The following DZIP3 variants were observed in gnomAD, a reference collection of about 807,000 sequenced individuals.
DZIP3 encodes the protein DAZ interacting zinc finger protein 3.
Under a neutral mutation model 162.0 loss-of-function variants are expected in DZIP3, and 118 were observed. The observed-to-expected ratio is 0.73, with a 90% CI of 0.63 to 0.85. The LOEUF is 0.85. DZIP3 is among the 40% of genes least tolerant of loss of function. DZIP3 has a pLI of 0.00. For missense variants in DZIP3, 1,331 were observed against 1,407.0 expected, an observed-to-expected ratio of 0.95 and a Z score of 0.86; for synonymous variants, 438 against 458.6, an observed-to-expected ratio of 0.96 and a Z score of 0.57.
At chr3:108,687,952 T>C in intron 28 of DZIP3, 24 bp from the exon 29 acceptor site, 2 of 1,613,064 alleles carry the variant, frequency 1.2e-6, no homozygotes, top group Non-Finnish European at 1.7e-6. Flanking sequence ...ATTACTGCCC[T>C]TTCCTTTCCT....
chr3:108,609,209 G>A (rs144792965), intron 3 of DZIP3, among the ~76,000 whole-genome samples: 2 of 152,296 alleles, frequency 1.3e-5, no homozygotes, highest in East Asian at 3.9e-4. Context: ...GCACATGTTT[G>A]CAGGAACATG....
intron 5 of DZIP3, among the ~76,000 whole-genome samples, chr3:108,621,791 A>C (rs1228230261): frequency 6.6e-6 from 1 of 152,248 alleles, no homozygotes; most frequent in Non-Finnish European, 1.5e-5. Context: ...AGTGTATCAA[A>C]GAAATATTTG....
At chr3:108,688,774 T>G (rs1258449934) in intron 30 of DZIP3, 38 bp downstream of exon 30, 1 of 1,613,768 alleles carries the variant, frequency 6.2e-7, no homozygotes. Context: ...ACATTTAGAT[T>G]TGGGAGAAAA....
chr3:108,693,127 G>A (rs1364812851), intron 32 of DZIP3, among the ~76,000 whole-genome samples: 2 of 150,498 alleles, frequency 1.3e-5, no homozygotes, highest in Non-Finnish European at 3.0e-5. Context: ...ATTCACTAAG[G>A]TAGAGATAAG....
chr3:108,634,095 G>A (rs1394821018), intron 9 of DZIP3, among the ~76,000 whole-genome samples: 2 of 152,048 alleles, frequency 1.3e-5, no homozygotes, highest in African/African-American at 2.4e-5. Flanking sequence ...TAATTGCGAG[G>A]CATGATGTGT....
At chr3:108,622,880 C>CTCTCTCTCTCTCTCTCTTTGTG in intron 5 of DZIP3, among the ~76,000 whole-genome samples, 1 of 53,082 alleles carries the variant, frequency 1.9e-5, no homozygotes, top group Middle Eastern at 0.011. Flanking sequence ...CTCTCTCTCT[C>CTCTCTCTCTCTCTCTCTTTGTG]TGTGTGTGTG....
At chr3:108,620,028 A>G (rs912313260) in intron 5 of DZIP3, among the ~76,000 whole-genome samples, 6 of 152,182 alleles carry the variant, frequency 3.9e-5, no homozygotes, top group Non-Finnish European at 7.3e-5. Flanking sequence ...ACTAACATCT[A>G]AGATTTATTA....
intron 19 of DZIP3, among the ~76,000 whole-genome samples, chr3:108,659,891 G>T (rs1482928746): frequency 6.6e-6 from 1 of 152,004 alleles, no homozygotes; most frequent in African/African-American, 2.4e-5. Context: ...ATTCACAATT[G>T]CTTCAAAGAG....
rs535910735 is a variant in DZIP3, at chr3:108,682,776, CAAAG to C, written c.2884-1436_2884-1433del. The stretch of plus-strand genomic sequence containing the variant: ...GAGAGGATTTTGAATATTAGAACCA[CAAAG>C]AAATGACAAATGAAGTGATGAATAT... On this transcript the variant is annotated intron_variant, in intron 26 of 32. Coordinates refer to ENST00000361582, the MANE Select transcript of DZIP3 (RefSeq NM_014648.4). Among the ~76,000 whole-genome samples the C allele has an allele frequency of 1.5e-3, 226 of 150,674 alleles. 16 individuals are homozygous for C. The highest frequency in any genetic ancestry group is 5.6e-3 in the African/African-American group (224 of 40,146).
intron 27 of DZIP3, 38 bp from the exon 28 acceptor site, chr3:108,686,407 A>T (rs1944499716): frequency 6.7e-7 from 1 of 1,489,428 alleles, no homozygotes; most frequent in East Asian, 2.4e-5. Flanking sequence ...CTTCTTAATA[A>T]TTAAACCTGC....
At chr3:108,679,606 G>C (rs376252465) in intron 26 of DZIP3, among the ~76,000 whole-genome samples, 2 of 152,058 alleles carry the variant, frequency 1.3e-5, no homozygotes, top group East Asian at 3.9e-4. Flanking sequence ...ACCTAGAAAC[G>C]TTACAGTGCT....
chr3:108,649,771 C>T (rs1442764198), intron 17 of DZIP3, among the ~76,000 whole-genome samples: 1 of 151,420 alleles, frequency 6.6e-6, no homozygotes, highest in African/African-American at 2.4e-5. Context: ...TTGTAAAACA[C>T]GAAGTCAAGA....
intron 17 of DZIP3, among the ~76,000 whole-genome samples, chr3:108,650,353 C>T (rs1018508740): frequency 6.6e-6 from 1 of 151,676 alleles, no homozygotes; most frequent in African/African-American, 2.4e-5. Context: ...CAAATTGGTA[C>T]TGGATATTAA....
intron 14 of DZIP3, among the ~76,000 whole-genome samples, chr3:108,645,228 T>TG (rs1338230824): frequency 3.3e-5 from 5 of 152,186 alleles, no homozygotes; most frequent in African/African-American, 1.2e-4. Flanking sequence ...AAGAAATTGT[T>TG]GAAGACTTTT....
intron 18 of DZIP3, among the ~76,000 whole-genome samples, chr3:108,653,688 A>G (rs768644462): frequency 1.3e-5 from 2 of 151,758 alleles, no homozygotes; most frequent in Non-Finnish European, 2.9e-5. Flanking sequence ...TCAACTCTCT[A>G]TTTAAACATA....
At chr3:108,619,442 C>T (rs902788325) in intron 5 of DZIP3, among the ~76,000 whole-genome samples, 1 of 152,036 alleles carries the variant, frequency 6.6e-6, no homozygotes, top group Non-Finnish European at 1.5e-5. Context: ...TATAGAGGCT[C>T]AGCAAGTCCC....
intron 31 of DZIP3, among the ~76,000 whole-genome samples, chr3:108,689,214 C>T (rs989752517): frequency 1.2e-4 from 19 of 152,178 alleles, no homozygotes; most frequent in Admixed American, 3.9e-4. Context: ...TGTCGATTGA[C>T]GTGGTAGTTT....
At chr3:108,649,078 G>C (rs954219060) in intron 17 of DZIP3, 116 bp downstream of exon 17, 31 of 551,316 alleles carry the variant, frequency 5.6e-5, no homozygotes, top group Non-Finnish European at 7.9e-5. Context: ...TGATTCAATA[G>C]CTTACTGAGT....
chr3:108,593,258 T>C (rs987815879), intron 1 of DZIP3, among the ~76,000 whole-genome samples: 107 of 152,342 alleles, frequency 7.0e-4, no homozygotes, highest in African/African-American at 2.5e-3. Context: ...CTATCTAATC[T>C]TTATAACAAC....
Sources: allele counts gnomAD v4.1 joint callset (sites outside exome capture counted in the v4.1 genomes callset), GRCh38; gene constraint gnomAD v4.1.1; transcripts MANE v1.5; gene names NCBI Gene and HGNC (gene_info 2026-07-23, HGNC 2026-07-21).